Variants in LMNTD1 observed in about 807,000 individuals in gnomAD.
LMNTD1 encodes lamin tail domain-containing protein 1.
LMNTD1 carries 35 observed loss-of-function variants against 50.9 expected under a neutral mutation model. The ratio of observed to expected loss-of-function variants is 0.69; its 90% CI spans 0.53 to 0.91. LMNTD1 has a LOEUF of 0.91. Ranked by LOEUF, LMNTD1 falls within the 40% of genes least tolerant of loss-of-function variation. LMNTD1 has a pLI of 0.00. For missense variants in LMNTD1, 470 were observed against 475.5 expected (o/e 0.99, Z 0.11); for synonymous variants, 153 against 161.9 (o/e 0.94, Z 0.42).
At position 25,518,867 on chromosome 12, in the gene LMNTD1, T is replaced by G. The variant is rs771860945; in HGVS notation, c.1117A>C (p.Asn373His). ...HPYCPLIEPH[N>H]TSTAGGRLDR... ...AATCTGCCTCCAGCGGTGGATGTAT[T>G]GTGTGGTTCAATCAGAGGACAGTAA... Residue 373 changes from asparagine (N) to histidine (H), a missense_variant, in exon 8 of 10, where the codon AAT (asparagine) becomes CAT (histidine). Transcript: ENST00000458174. The G allele has an allele frequency of 6.2e-7, 1 of 1,614,034 alleles. No homozygotes were observed. The highest frequency in any genetic ancestry group is 8.5e-7 in the Non-Finnish European group (1 of 1,180,004).
chr12:25,555,812 T>C (rs1000005853), upstream of LMNTD1, among the ~76,000 whole-genome samples: 1 of 152,088 alleles, frequency 6.6e-6, no homozygotes, highest in Admixed American at 6.6e-5. Context: ...AATATCTAAG[T>C]TCTCCATAGC....
At chr12:25,543,760 G>A (rs976116853) in intron 4 of LMNTD1, among the ~76,000 whole-genome samples, 4 of 150,116 alleles carry the variant, frequency 2.7e-5, no homozygotes, top group Admixed American at 1.3e-4. Flanking sequence ...TTTTTTTTGT[G>A]TCCCAGAGAT....
chr12:25,566,343 T>C (rs1054975717), intron 1 of LMNTD1, among the ~76,000 whole-genome samples: 8 of 152,218 alleles, frequency 5.3e-5, no homozygotes, highest in African/African-American at 1.7e-4. Context: ...GGCTTCAGTT[T>C]CTTTATTCAC....
At chr12:25,568,933 G>A (rs556316868) in intron 1 of LMNTD1, among the ~76,000 whole-genome samples, 2 of 152,376 alleles carry the variant, frequency 1.3e-5, no homozygotes, top group African/African-American at 4.8e-5. Flanking sequence ...GCTTCCACAA[G>A]AACCTCTACT....
rs551824735 is a variant in LMNTD1 at position 25,479,483 on chromosome 12, T to C, written c.*23-3023A>G. ...GCAAAGTATTGTCATGTAGTTGGCA[T>C]TGTGATTGTGACTTCAAAAGGCCAT... is the stretch of plus-strand genomic sequence containing the variant. On this transcript the variant is annotated intron_variant, in intron 9 of 9. Transcript: ENST00000458174. Among the ~76,000 whole-genome samples, 5 of 152,320 alleles carry C rather than the reference T, an allele frequency of 3.3e-5. No homozygotes were observed. The South Asian group carries it at 1.0e-3, about 32-fold the overall frequency.
intron 1 of LMNTD1, among the ~76,000 whole-genome samples, chr12:25,619,252 C>CTCTCTATATATATATATATATATATA (rs1374134268): frequency 1.3e-4 from 11 of 84,428 alleles, no homozygotes; most frequent in Non-Finnish European, 1.8e-4. Context: ...CTCTCTCTCT[C>CTCTCTATATATATATATATATATATA]TATATATATA....
intron 1 of LMNTD1, among the ~76,000 whole-genome samples, chr12:25,624,957 G>A (rs575384723): frequency 6.6e-6 from 1 of 152,184 alleles, no homozygotes. Flanking sequence ...ACGGAGTCCT[G>A]TAGATCAAAA....
intron 5 of LMNTD1, 100 bp downstream of exon 5, chr12:25,526,669 G>T: frequency 1.3e-6 from 1 of 768,922 alleles, no homozygotes; most frequent in Non-Finnish European, 2.1e-6. Context: ...TACAGATCCA[G>T]ATAGAGTGAT....
At chr12:25,554,250 A>T (rs1457244443), upstream of LMNTD1, among the ~76,000 whole-genome samples, 1 of 152,330 alleles carries the variant, frequency 6.6e-6, no homozygotes, top group South Asian at 2.1e-4. Flanking sequence ...CAGTCTCCCT[A>T]CCTGTACCAG....
intron 1 of LMNTD1, among the ~76,000 whole-genome samples, chr12:25,593,392 G>T (rs1306280197): frequency 6.6e-6 from 1 of 152,212 alleles, no homozygotes; most frequent in Non-Finnish European, 1.5e-5. Flanking sequence ...AGGACTCTCT[G>T]CAGACAACCC....
At chr12:25,609,441 T>G (rs1946193526) in intron 1 of LMNTD1, among the ~76,000 whole-genome samples, 2 of 152,236 alleles carry the variant, frequency 1.3e-5, no homozygotes, top group Non-Finnish European at 2.9e-5. Flanking sequence ...CTCTGGTTTC[T>G]CCTCTTCTTT....
chr12:25,566,435 T>A (rs1470852990), intron 1 of LMNTD1, among the ~76,000 whole-genome samples: 1 of 152,226 alleles, frequency 6.6e-6, no homozygotes, highest in East Asian at 1.9e-4. Context: ...AGTGCAAGTA[T>A]CTTGTTTGTA....
intron 1 of LMNTD1, among the ~76,000 whole-genome samples, chr12:25,631,872 G>A (rs1394277048): frequency 6.6e-6 from 1 of 152,152 alleles, no homozygotes; most frequent in Non-Finnish European, 1.5e-5. Context: ...AGAGAAAGGT[G>A]AAGCCCAATC....
intron 9 of LMNTD1, among the ~76,000 whole-genome samples, chr12:25,494,598 T>C (rs1403613760): frequency 1.3e-5 from 2 of 152,148 alleles, no homozygotes; most frequent in Non-Finnish European, 2.9e-5. Flanking sequence ...TATATAGATA[T>C]ATTTTAAGTC....
intron 9 of LMNTD1, among the ~76,000 whole-genome samples, chr12:25,492,224 A>G (rs1231256428): frequency 6.6e-6 from 1 of 152,216 alleles, no homozygotes; most frequent in African/African-American, 2.4e-5. Flanking sequence ...TTTACCTGAA[A>G]ATGTTATAGC....
At chr12:25,535,761 C>T (rs1197110902) in intron 4 of LMNTD1, among the ~76,000 whole-genome samples, 4 of 152,074 alleles carry the variant, frequency 2.6e-5, no homozygotes, top group Non-Finnish European at 5.9e-5. Flanking sequence ...AGTTTAAATG[C>T]CCCAATGAAA....
chr12:25,532,330 T>G (rs1942280448), intron 4 of LMNTD1, among the ~76,000 whole-genome samples: 1 of 152,202 alleles, frequency 6.6e-6, no homozygotes, highest in Non-Finnish European at 1.5e-5. Context: ...GACACTGTAC[T>G]GGTCTGTTTT....
At chr12:25,643,852 T>C (rs1947002503) in intron 1 of LMNTD1, among the ~76,000 whole-genome samples, 3 of 152,054 alleles carry the variant, frequency 2.0e-5, no homozygotes, top group Admixed American at 2.0e-4. Flanking sequence ...ATTCAGGGTG[T>C]CGGATGAATG....
intron 9 of LMNTD1, among the ~76,000 whole-genome samples, chr12:25,488,601 A>T (rs1210194643): frequency 1.3e-5 from 2 of 149,426 alleles, no homozygotes. Flanking sequence ...GCTCAGAGTA[A>T]TTTGATCGTC....
Sources: gnomAD v4.1 joint callset for allele counts (sites outside exome capture counted in the v4.1 genomes callset) on GRCh38, gnomAD v4.1.1 for gene constraint, MANE v1.5 for transcripts, NCBI Gene and HGNC (gene_info 2026-07-23, HGNC 2026-07-21) for gene names.